PPP2R2B: variants seen among roughly 807,000 people sequenced by gnomAD.
PPP2R2B encodes protein phosphatase 2 regulatory subunit Bbeta.
A neutral mutation model predicts 46.0 loss-of-function variants in PPP2R2B; 5 were observed. The observed-to-expected ratio is 0.11, with a 90% CI of 0.06 to 0.23. The LOEUF is 0.23. Ranked by LOEUF, PPP2R2B falls within the 10% of genes least tolerant of loss-of-function variation. The probability of loss-of-function intolerance (pLI) is 1.00; values close to 1 mark genes in which losing one functional copy is unlikely to be tolerated. For synonymous variants in PPP2R2B, 215 were observed against 206.7 expected (o/e 1.04, Z -0.34); for missense variants, 367 against 575.0 (o/e 0.64, Z 3.70).
intron 2 of PPP2R2B, among the ~76,000 whole-genome samples, chr5:147,062,582 T>C (rs1354959799): frequency 1.3e-5 from 2 of 152,106 alleles, no homozygotes; most frequent in African/African-American, 4.8e-5. Context: ...GGAGGTAACA[T>C]TCCAGTACAG....
At chr5:146,629,994 A>T (rs1774320253) in intron 7 of PPP2R2B, among the ~76,000 whole-genome samples, 3 of 152,114 alleles carry the variant, frequency 2.0e-5, no homozygotes, top group Admixed American at 2.0e-4. Flanking sequence ...TTGTATTTGT[A>T]GTAGAGATGG....
intron 2 of PPP2R2B, among the ~76,000 whole-genome samples, chr5:146,767,045 CAAAAAAAAA>C (rs10605079): frequency 2.2e-5 from 1 of 46,298 alleles, no homozygotes; most frequent in African/African-American, 1.2e-4. Context: ...AGAAGTGTCT[CAAAAAAAAA>C]AAAAAAAAAA....
intron 2 of PPP2R2B, among the ~76,000 whole-genome samples, chr5:146,799,032 A>G (rs1192749255): frequency 6.6e-6 from 1 of 152,110 alleles, no homozygotes; most frequent in Non-Finnish European, 1.5e-5. Flanking sequence ...TGACTTTTTA[A>G]TTTCTGTAGA....
intron 1 of PPP2R2B, among the ~76,000 whole-genome samples, chr5:146,930,327 T>A (rs1429747409): frequency 6.6e-6 from 1 of 152,140 alleles, no homozygotes; most frequent in Non-Finnish European, 1.5e-5. Context: ...TGCTCAGGAT[T>A]AGATAAAAAG....
chr5:146,730,668 T>C (rs1013713263), intron 2 of PPP2R2B, among the ~76,000 whole-genome samples: 2 of 152,156 alleles, frequency 1.3e-5, no homozygotes, highest in African/African-American at 4.8e-5. Flanking sequence ...GTTTTCACTT[T>C]TGCTTCTTCC....
At chr5:146,770,978 C>A (rs963358531) in intron 2 of PPP2R2B, among the ~76,000 whole-genome samples, 3 of 152,182 alleles carry the variant, frequency 2.0e-5, no homozygotes, top group African/African-American at 7.2e-5. Context: ...TTTACCTATG[C>A]ATGATGGGCC....
intron 6 of PPP2R2B, among the ~76,000 whole-genome samples, chr5:146,641,273 C>G (rs955302593): frequency 6.6e-6 from 1 of 152,178 alleles, no homozygotes; most frequent in African/African-American, 2.4e-5. Flanking sequence ...TGAACCCAAG[C>G]TTGTCTGACT....
At chr5:146,619,715 G>A (rs549530704) in intron 7 of PPP2R2B, among the ~76,000 whole-genome samples, 1 of 152,312 alleles carries the variant, frequency 6.6e-6, no homozygotes, top group African/African-American at 2.4e-5. Context: ...TGATGATGGT[G>A]ATGTCTGTGG....
At chr5:147,064,058 G>T (rs114083027) in intron 2 of PPP2R2B, among the ~76,000 whole-genome samples, 1 of 152,122 alleles carries the variant, frequency 6.6e-6, no homozygotes, top group Non-Finnish European at 1.5e-5. Context: ...CCTTCCCCTG[G>T]GCGTGTCACA....
intron 2 of PPP2R2B, among the ~76,000 whole-genome samples, chr5:146,876,013 T>C (rs1430967394): frequency 6.6e-6 from 1 of 152,240 alleles, no homozygotes; most frequent in Non-Finnish European, 1.5e-5. Flanking sequence ...TCCTTTTCTT[T>C]TCATACCTTC....
chr5:146,993,940 C>G (rs76171573), intron 1 of PPP2R2B, among the ~76,000 whole-genome samples: 1 of 152,116 alleles, frequency 6.6e-6, no homozygotes, highest in East Asian at 1.9e-4. Context: ...TAAACAGGCC[C>G]CAGAGCTGTG....
At chr5:146,848,096 C>G (rs537470481) in intron 2 of PPP2R2B, among the ~76,000 whole-genome samples, 46 of 152,254 alleles carry the variant, frequency 3.0e-4, no homozygotes, top group African/African-American at 1.1e-3. Flanking sequence ...CGCCTACCAA[C>G]TTACTGGCTC....
chr5:146,743,184 C>A (rs188956324), intron 2 of PPP2R2B, among the ~76,000 whole-genome samples: 3 of 152,118 alleles, frequency 2.0e-5, no homozygotes, highest in African/African-American at 4.8e-5. Context: ...TTAACAACAG[C>A]CTTTTGGTCT....
intron 4 of PPP2R2B, among the ~76,000 whole-genome samples, chr5:146,692,013 C>T (rs1169088933): frequency 2.0e-5 from 3 of 152,166 alleles, no homozygotes; most frequent in Non-Finnish European, 2.9e-5. Context: ...CTTCATGATA[C>T]CTTTTACTAC....
At chr5:146,821,592 C>T (rs1472384538) in intron 2 of PPP2R2B, among the ~76,000 whole-genome samples, 3 of 152,182 alleles carry the variant, frequency 2.0e-5, no homozygotes, top group Non-Finnish European at 4.4e-5. Flanking sequence ...GGGGTGAAAC[C>T]TCAGTCATCT....
chr5:146,984,742 CTTT>C (rs956934936), intron 1 of PPP2R2B, among the ~76,000 whole-genome samples: 2 of 147,124 alleles, frequency 1.4e-5, no homozygotes, highest in African/African-American at 5.0e-5. Context: ...TTATCTTTGG[CTTT>C]TTTTTTTAAT....
intron 1 of PPP2R2B, among the ~76,000 whole-genome samples, chr5:146,999,124 G>A (rs895417792): frequency 2.0e-5 from 3 of 151,670 alleles, no homozygotes; most frequent in African/African-American, 4.8e-5. Flanking sequence ...CATTGTTTGA[G>A]CAAATGTTTA....
chr5:146,956,003 T>A (rs1751885412), intron 1 of PPP2R2B, among the ~76,000 whole-genome samples: 1 of 151,920 alleles, frequency 6.6e-6, no homozygotes, highest in Admixed American at 6.6e-5. Flanking sequence ...GGTCTCGAAC[T>A]CCTGAACTCA....
At chr5:146,781,272 C>T (rs1404846470) in intron 2 of PPP2R2B, among the ~76,000 whole-genome samples, 3 of 148,420 alleles carry the variant, frequency 2.0e-5, no homozygotes, top group South Asian at 2.1e-4. Flanking sequence ...GTATATCAAC[C>T]CAGGTCTAAG....
Sources: gnomAD v4.1 joint callset for allele counts (sites outside exome capture counted in the v4.1 genomes callset) on GRCh38, gnomAD v4.1.1 for gene constraint, MANE v1.5 for transcripts, NCBI Gene and HGNC (gene_info 2026-07-23, HGNC 2026-07-21) for gene names.